Variants in NTNG1 observed in about 807,000 individuals in gnomAD.
NTNG1 encodes netrin-G1.
NTNG1 carries 16 observed loss-of-function variants against 54.0 expected under a neutral mutation model. That is an observed-to-expected ratio of 0.30 (90% confidence interval 0.20 to 0.45). The LOEUF (loss-of-function observed/expected upper bound fraction) is 0.45, where lower values mean the gene tolerates loss of function less well. Among genes scored for constraint, NTNG1 ranks in the 20% least tolerant of loss-of-function variants. NTNG1 has a pLI of 1.00. For synonymous variants in NTNG1, 255 were observed against 263.1 expected (o/e 0.97, Z 0.30); for missense variants, 530 against 678.7 (o/e 0.78, Z 2.43).
At chr1:107,180,365 T>G (rs561255970) in intron 2 of NTNG1, among the ~76,000 whole-genome samples, 1 of 152,272 alleles carries the variant, frequency 6.6e-6, no homozygotes, top group South Asian at 2.1e-4. Context: ...TCTTTCAAAC[T>G]TTTTAAATCT....
chr1:107,172,968 A>G (rs1185966346), intron 2 of NTNG1, among the ~76,000 whole-genome samples: 1 of 152,166 alleles, frequency 6.6e-6, no homozygotes, highest in African/African-American at 2.4e-5. Flanking sequence ...CTGCCTTTCT[A>G]GAGAAATCAC....
intron 3 of NTNG1, among the ~76,000 whole-genome samples, chr1:107,340,596 A>G (rs750785025): frequency 5.9e-5 from 9 of 152,102 alleles, no homozygotes; most frequent in Non-Finnish European, 1.0e-4. Flanking sequence ...CAACAAAAAC[A>G]TATGTAAAGA....
chr1:107,240,830 A>G (rs980828073), intron 2 of NTNG1, among the ~76,000 whole-genome samples: 3 of 152,196 alleles, frequency 2.0e-5, no homozygotes, highest in Non-Finnish European at 4.4e-5. Context: ...TTTTGCTGCC[A>G]TATGCTGGAA....
chr1:107,438,570 C>T (rs894681428), intron 7 of NTNG1, among the ~76,000 whole-genome samples: 1 of 152,014 alleles, frequency 6.6e-6, no homozygotes, highest in Non-Finnish European at 1.5e-5. Flanking sequence ...AAACCAGCAC[C>T]AAGACTCAAG....
chr1:107,423,337 G>A lies in NTNG1; in HGVS notation c.1088-7413G>A, dbSNP rs183462635. Among the ~76,000 whole-genome samples the A allele has an allele frequency of 2.6e-5, 4 of 152,022 alleles. No homozygotes were observed. The South Asian group carries it at 6.2e-4, about 24-fold the overall frequency. On this transcript the variant is annotated intron_variant, in intron 5 of 7. Transcript: ENST00000370068. ...AAATTTTTGTTTGTCACAGTTTGGG[G>A]GTTGCTACCACATCTAGTCATCTAG...
chr1:107,200,851 C>G (rs907070261), intron 2 of NTNG1, among the ~76,000 whole-genome samples: 1 of 151,730 alleles, frequency 6.6e-6, no homozygotes, highest in African/African-American at 2.4e-5. Context: ...AGATAAAAAA[C>G]TCAGTAAGTA....
chr1:107,340,336 C>T (rs1031478299), intron 3 of NTNG1, among the ~76,000 whole-genome samples: 1 of 151,990 alleles, frequency 6.6e-6, no homozygotes, highest in African/African-American at 2.4e-5. Context: ...AAAATGTGGA[C>T]TTGCAAGACC....
intron 3 of NTNG1, among the ~76,000 whole-genome samples, chr1:107,394,392 C>A (rs2101086370): frequency 6.6e-6 from 1 of 152,246 alleles, no homozygotes. Flanking sequence ...AAAGGCCAGG[C>A]CTTGGCTAAT....
intron 3 of NTNG1, among the ~76,000 whole-genome samples, chr1:107,382,719 A>C (rs1259054332): frequency 6.6e-6 from 1 of 152,168 alleles, no homozygotes; most frequent in Non-Finnish European, 1.5e-5. Flanking sequence ...AAATAAGATC[A>C]GATTCCTTTG....
At chr1:107,218,900 A>G (rs1660148351) in intron 2 of NTNG1, among the ~76,000 whole-genome samples, 2 of 152,236 alleles carry the variant, frequency 1.3e-5, no homozygotes, top group Non-Finnish European at 2.9e-5. Flanking sequence ...TCTTTTTGCA[A>G]TGAATTTCCC....
At chr1:107,421,241 GC>G (rs897540146) in intron 5 of NTNG1, 3 of 809,988 alleles carry the variant, frequency 3.7e-6, no homozygotes, top group Non-Finnish European at 6.2e-6. Context: ...GTACCCATCA[GC>G]TTATTGGTGA....
chr1:107,232,933 GA>G (rs909585153), intron 2 of NTNG1, among the ~76,000 whole-genome samples: 3 of 152,138 alleles, frequency 2.0e-5, no homozygotes, highest in African/African-American at 7.2e-5. Flanking sequence ...TTTTATTTAG[GA>G]TAAGGTTTAT....
chr1:107,156,264 G>GA (rs1654988779), intron 2 of NTNG1, among the ~76,000 whole-genome samples: 1 of 152,182 alleles, frequency 6.6e-6, no homozygotes, highest in African/African-American at 2.4e-5. Context: ...TCTCAGAAAA[G>GA]AAATTGTAGA....
Position 107,453,682 on chromosome 1 carries a change from T to A in NTNG1, c.1390+16883T>A, listed in dbSNP as rs1489247105. Among the ~76,000 whole-genome samples the A allele has an allele frequency of 2.6e-5, 4 of 152,294 alleles. No homozygotes were observed. In the East Asian group the frequency reaches 5.8e-4, roughly 22 times the overall value. On this transcript the variant is annotated intron_variant, in intron 7 of 7. Coordinates refer to ENST00000370068, the MANE Select transcript of NTNG1 (RefSeq NM_001113226.3). ...GGAAAGTGGATGCCATGTAGGGAAG[T>A]GGGCTAGACTCTTACACATAAAAAC...
At chr1:107,342,163 A>G (rs1668938540) in intron 3 of NTNG1, among the ~76,000 whole-genome samples, 1 of 152,128 alleles carries the variant, frequency 6.6e-6, no homozygotes, top group South Asian at 2.1e-4. Flanking sequence ...TTATGAAAAT[A>G]AGCATTTTGG....
intron 3 of NTNG1, among the ~76,000 whole-genome samples, chr1:107,384,372 T>C (rs947021782): frequency 6.6e-6 from 1 of 152,194 alleles, no homozygotes; most frequent in African/African-American, 2.4e-5. Flanking sequence ...ACTCATTTAT[T>C]GCCTAAATGT....
chr1:107,201,775 C>G (rs1658775548), intron 2 of NTNG1, among the ~76,000 whole-genome samples: 1 of 151,900 alleles, frequency 6.6e-6, no homozygotes, highest in African/African-American at 2.4e-5. Context: ...GTTATTCACA[C>G]ACAGATATTT....
chr1:107,418,641 A>G (rs747221769), intron 5 of NTNG1: 2 of 1,593,162 alleles, frequency 1.3e-6, no homozygotes, highest in Admixed American at 1.7e-5. Context: ...CTAACCCAAA[A>G]CAAGGTAGGA....
chr1:107,473,809 A>G (rs1678136727), intron 7 of NTNG1, among the ~76,000 whole-genome samples: 1 of 152,180 alleles, frequency 6.6e-6, no homozygotes, highest in Non-Finnish European at 1.5e-5. Flanking sequence ...AGCTGTTACA[A>G]CACCTTGCTG....
Sources: allele counts gnomAD v4.1 joint callset (sites outside exome capture counted in the v4.1 genomes callset), GRCh38; gene constraint gnomAD v4.1.1; transcripts MANE v1.5; gene names NCBI Gene and HGNC (gene_info 2026-07-23, HGNC 2026-07-21).